The following AGBL4 variants were observed in gnomAD, a reference collection of about 807,000 sequenced individuals.
The protein encoded by AGBL4 is AGBL carboxypeptidase 4.
In AGBL4, 58 loss-of-function variants were observed where a neutral mutation model predicts 66.4. The observed-to-expected ratio is 0.87, with a 90% CI of 0.71 to 1.09. The LOEUF (loss-of-function observed/expected upper bound fraction) is 1.09. Among genes scored for constraint, AGBL4 ranks in the 50% least tolerant of loss-of-function variants. The pLI is 0.00. For missense variants in AGBL4, 579 were observed against 631.0 expected (o/e 0.92, Z 0.88); for synonymous variants, 234 against 222.9 (o/e 1.05, Z -0.44).
At chr1:49,994,016 C>T (rs945419390) in intron 1 of AGBL4, among the ~76,000 whole-genome samples, 5 of 152,188 alleles carry the variant, frequency 3.3e-5, no homozygotes, top group African/African-American at 4.8e-5. Flanking sequence ...GCTTTTCCTC[C>T]TCTAAATTCC....
At chr1:48,737,874 C>G (rs2148581716) in intron 6 of AGBL4, among the ~76,000 whole-genome samples, 1 of 152,120 alleles carries the variant, frequency 6.6e-6, no homozygotes, top group Non-Finnish European at 1.5e-5. Flanking sequence ...TCTGTGGGGA[C>G]AGAGGGCGGC....
chr1:48,899,605 C>T (rs919891380), intron 5 of AGBL4, among the ~76,000 whole-genome samples: 4 of 152,072 alleles, frequency 2.6e-5, no homozygotes, highest in Admixed American at 6.5e-5. Flanking sequence ...CTGGATCTGG[C>T]CTCACTTGGC....
At chr1:48,722,903 A>G (rs1026983010) in intron 6 of AGBL4, among the ~76,000 whole-genome samples, 2 of 152,196 alleles carry the variant, frequency 1.3e-5, no homozygotes, top group Admixed American at 1.3e-4. Context: ...TAAGATACCG[A>G]ATGCCTAGAA....
rs140766392 is a variant in AGBL4 at position 49,853,039 on chromosome 1, T to C, written c.35-1521A>G. Among the ~76,000 whole-genome samples, 10 of 152,258 alleles carry C rather than the reference T, an allele frequency of 6.6e-5. No homozygotes were observed. The South Asian group carries it at 8.3e-4, about 13-fold the overall frequency. On this transcript the variant is annotated intron_variant, in intron 1 of 13. Transcript: ENST00000371839. ...TAACAAATAATATTTGTAAGTACTG[T>C]AAATACTATAAAACAGTAGTATTCT... is the stretch of plus-strand genomic sequence containing the variant.
At chr1:49,299,028 C>T (rs572518864) in intron 3 of AGBL4, among the ~76,000 whole-genome samples, 12 of 152,074 alleles carry the variant, frequency 7.9e-5, no homozygotes, top group Non-Finnish European at 1.2e-4. Context: ...TGACCATTGC[C>T]GTTTACTAAG....
At chr1:48,550,069 C>T (rs1458852079) in intron 11 of AGBL4, among the ~76,000 whole-genome samples, 2 of 152,032 alleles carry the variant, frequency 1.3e-5, no homozygotes, top group South Asian at 2.1e-4. Context: ...GCTCACTTCA[C>T]GGAGGATGCT....
At chr1:49,949,786 C>T (rs1655904956) in intron 1 of AGBL4, among the ~76,000 whole-genome samples, 2 of 151,614 alleles carry the variant, frequency 1.3e-5, no homozygotes, top group Admixed American at 6.6e-5. Context: ...CTATGGAAAA[C>T]ACTCTGGATA....
intron 3 of AGBL4, among the ~76,000 whole-genome samples, chr1:49,537,986 C>T (rs2148821019): frequency 6.6e-6 from 1 of 150,980 alleles, no homozygotes; most frequent in African/African-American, 2.4e-5. Context: ...GAACCTTTAT[C>T]AACTGTTGGT....
intron 3 of AGBL4, among the ~76,000 whole-genome samples, chr1:49,487,634 T>C (rs1369330750): frequency 6.6e-6 from 1 of 151,980 alleles, no homozygotes; most frequent in East Asian, 1.9e-4. Context: ...TCCTGAGGCC[T>C]CACCAGCAAT....
At chr1:49,996,038 C>T (rs1321947319) in intron 1 of AGBL4, 1 of 152,188 alleles carries the variant, frequency 6.6e-6, no homozygotes, top group Non-Finnish European at 1.5e-5. Flanking sequence ...AAGGAGCACC[C>T]TATGGGACAC....
intron 9 of AGBL4, among the ~76,000 whole-genome samples, chr1:48,626,638 C>G (rs1236581135): frequency 6.6e-6 from 1 of 152,190 alleles, no homozygotes; most frequent in Non-Finnish European, 1.5e-5. Flanking sequence ...AAAGTAAAGT[C>G]CCGGAGAGGG....
At chr1:49,439,283 G>A (rs1259662074) in intron 3 of AGBL4, among the ~76,000 whole-genome samples, 2 of 152,164 alleles carry the variant, frequency 1.3e-5, no homozygotes, top group African/African-American at 4.8e-5. Context: ...AGAAAGTGTG[G>A]CTAGAAGGTA....
In AGBL4 at chr1:48,762,614, T is replaced by TTGTGTGTGTGTG. The variant is rs58396843; in HGVS notation, c.635-99385_635-99374dup. On this transcript the variant is annotated intron_variant, in intron 6 of 13. Coordinates refer to ENST00000371839, the MANE Select transcript of AGBL4 (RefSeq NM_032785.4). ...TAGTTAAATCCAGTCTTTAAGGGTT[T>TTGTGTGTGTGTG]TGTGTGTGTGTGTGTGTGTGTGTGT... is the stretch of plus-strand genomic sequence containing the variant. 6.2e-3 allele frequency among the ~76,000 whole-genome samples: 469 copies of TTGTGTGTGTGTG among 75,142 alleles called. 3 individuals carry two copies. The highest frequency in any genetic ancestry group is 0.017 in the African/African-American group (442 of 25,262). The allele number at this position is 75,142 out of a possible 152,430, so 49.3% of individuals were successfully genotyped here. A position where few individuals can be genotyped will look rare whatever the true frequency, so the allele number is the denominator to read the frequency against.
chr1:48,903,251 ATC>A (rs971051728), intron 5 of AGBL4, among the ~76,000 whole-genome samples: 2 of 152,016 alleles, frequency 1.3e-5, no homozygotes, highest in African/African-American at 4.8e-5. Context: ...AAGTCTGGTA[ATC>A]TGTTTGTTTC....
chr1:49,489,069 C>A (rs1647131722), intron 3 of AGBL4, among the ~76,000 whole-genome samples: 1 of 151,818 alleles, frequency 6.6e-6, no homozygotes, highest in Non-Finnish European at 1.5e-5. Flanking sequence ...ATTGCTGGAT[C>A]ATAAGGTAGC....
chr1:49,125,405 G>C (rs531748694), intron 4 of AGBL4, among the ~76,000 whole-genome samples: 1 of 152,202 alleles, frequency 6.6e-6, no homozygotes, highest in East Asian at 1.9e-4. Context: ...GCAAATGGTA[G>C]AAGTGTCATA....
chr1:49,653,548 A>G (rs1646052514), intron 3 of AGBL4, among the ~76,000 whole-genome samples: 1 of 152,070 alleles, frequency 6.6e-6, no homozygotes, highest in Admixed American at 6.6e-5. Context: ...GTTCTAACTC[A>G]TTGCAAAGAA....
intron 3 of AGBL4, among the ~76,000 whole-genome samples, chr1:49,506,941 T>C (rs1648743969): frequency 6.6e-6 from 1 of 151,992 alleles, no homozygotes; most frequent in African/African-American, 2.4e-5. Flanking sequence ...TACCTCCCCA[T>C]ATTCACACCC....
intron 3 of AGBL4, among the ~76,000 whole-genome samples, chr1:49,406,296 A>G (rs535480722): frequency 6.6e-6 from 1 of 152,344 alleles, no homozygotes; most frequent in South Asian, 2.1e-4. Flanking sequence ...AGCCCTCAAT[A>G]AAAATTTAAA....
Sources: gnomAD v4.1 joint callset for allele counts (sites outside exome capture counted in the v4.1 genomes callset) on GRCh38, gnomAD v4.1.1 for gene constraint, MANE v1.5 for transcripts, NCBI Gene and HGNC (gene_info 2026-07-23, HGNC 2026-07-21) for gene names.